The following TRPM1 variants were observed in gnomAD, a reference collection of about 807,000 sequenced individuals.
TRPM1 encodes TRPM1-203 APA Isoform, Intron 10.
A neutral mutation model predicts 149.4 loss-of-function variants in TRPM1; 113 were observed. The ratio of observed to expected loss-of-function variants is 0.76; its 90% CI spans 0.65 to 0.88. The LOEUF (loss-of-function observed/expected upper bound fraction) is 0.88, where lower values mean the gene tolerates loss of function less well. TRPM1 is among the 40% of genes least tolerant of loss of function. TRPM1 has a pLI of 0.00. For missense variants in TRPM1, 1,976 were observed against 2,038.7 expected, an observed-to-expected ratio of 0.97 and a Z score of 0.59; for synonymous variants, 741 against 759.5, an observed-to-expected ratio of 0.98 and a Z score of 0.40.
intron 27 of TRPM1, among the ~76,000 whole-genome samples, chr15:31,004,836 T>A (rs1595970602): frequency 1.3e-5 from 2 of 152,192 alleles, no homozygotes; most frequent in East Asian, 3.8e-4. Flanking sequence ...ACGCAGTGGC[T>A]CACACCTGTA....
At chr15:31,109,503 C>T (rs2035655550) in intron 1 of TRPM1, among the ~76,000 whole-genome samples, 1 of 151,404 alleles carries the variant, frequency 6.6e-6, no homozygotes, top group Non-Finnish European at 1.5e-5. Flanking sequence ...TCGAGATCAA[C>T]CTGGCCACAA....
chr15:31,013,470 TAAATATATTTAA>T lies in TRPM1; in HGVS notation c.3630-10412_3630-10401del, dbSNP rs2032256420. 2.0e-5 allele frequency among the ~76,000 whole-genome samples: 3 copies of T among 152,314 alleles called. No individual in the cohort carries two copies. The South Asian group carries it at 6.2e-4, about 32-fold the overall frequency. On this transcript the variant is annotated intron_variant, in intron 27 of 27. Transcript: ENST00000256552. ...TTAGAGATGATTTCCTTTAGGTCTT[TAAATATATTTAA>T]AATAGCTAAAATAGTTGAGTTAAAC...
intron 1 of TRPM1, among the ~76,000 whole-genome samples, chr15:31,100,840 C>T (rs1037687614): frequency 3.9e-5 from 6 of 152,168 alleles, no homozygotes; most frequent in Non-Finnish European, 5.9e-5. Flanking sequence ...TGCTTCTGGG[C>T]GTTTGGGTTG....
intron 1 of TRPM1, among the ~76,000 whole-genome samples, chr15:31,149,583 G>A (rs1396812794): frequency 3.4e-5 from 5 of 148,642 alleles, no homozygotes; most frequent in East Asian, 2.0e-4. Context: ...GCAGTGGCGC[G>A]ATCTTGGCTC....
At chr15:31,086,248 G>A (rs373839416) in intron 1 of TRPM1, among the ~76,000 whole-genome samples, 1 of 152,228 alleles carries the variant, frequency 6.6e-6, no homozygotes, top group African/African-American at 2.4e-5. Flanking sequence ...CGGGAGGAGA[G>A]GGGGAGCGGC....
At chr15:31,147,362 C>A (rs1040081193) in intron 1 of TRPM1, among the ~76,000 whole-genome samples, 1 of 152,238 alleles carries the variant, frequency 6.6e-6, no homozygotes. Context: ...AGATTGTGCT[C>A]ACTTTTCAGT....
At chr15:31,007,973 A>G (rs1368626326) in intron 27 of TRPM1, among the ~76,000 whole-genome samples, 5 of 152,168 alleles carry the variant, frequency 3.3e-5, no homozygotes, top group African/African-American at 1.2e-4. Context: ...AAAAATTCCA[A>G]TGTTCAATTA....
intron 1 of TRPM1, among the ~76,000 whole-genome samples, chr15:31,117,724 A>G (rs1172180136): frequency 6.6e-6 from 1 of 151,810 alleles, no homozygotes; most frequent in African/African-American, 2.4e-5. Flanking sequence ...AACAAAGTGG[A>G]CAGCATGCAA....
At chr15:31,143,234 A>T (rs774300769) in intron 1 of TRPM1, among the ~76,000 whole-genome samples, 4 of 152,286 alleles carry the variant, frequency 2.6e-5, no homozygotes, top group Non-Finnish European at 2.9e-5. Context: ...CTAAAGTTCA[A>T]CTGAAGAAAC....
At chr15:31,063,432 G>T in intron 7 of TRPM1, 140 bp from the exon 8 acceptor site, 1 of 1,057,192 alleles carries the variant, frequency 9.5e-7, no homozygotes, top group Non-Finnish European at 1.4e-6. Context: ...ATTCAGGCAT[G>T]TGATAACAAT....
At chr15:31,151,175 A>C (rs2036298337) in intron 1 of TRPM1, among the ~76,000 whole-genome samples, 1 of 151,816 alleles carries the variant, frequency 6.6e-6, no homozygotes, top group South Asian at 2.1e-4. Flanking sequence ...GAGACAAAAA[A>C]CTCCAGGCGA....
intron 1 of TRPM1, among the ~76,000 whole-genome samples, chr15:31,083,979 C>T (rs1178172787): frequency 1.3e-5 from 2 of 152,144 alleles, no homozygotes; most frequent in Admixed American, 6.5e-5. Context: ...CATCACTATC[C>T]GCAGGAAGGT....
intron 27 of TRPM1, among the ~76,000 whole-genome samples, chr15:31,005,104 A>AAAATAAATAAGTAAAT (rs2031940801): frequency 7.0e-6 from 1 of 142,758 alleles, no homozygotes; most frequent in African/African-American, 2.6e-5. Flanking sequence ...TCCATCTCAA[A>AAAATAAATAAGTAAAT]AAATAAATAA....
At chr15:31,139,520 A>G (rs1215534603) in intron 1 of TRPM1, among the ~76,000 whole-genome samples, 3 of 152,252 alleles carry the variant, frequency 2.0e-5, no homozygotes, top group African/African-American at 4.8e-5. Flanking sequence ...CTACCAAAAT[A>G]TAAGAAAGAG....
chr15:31,044,912 A>AT (rs1241925640), intron 16 of TRPM1, among the ~76,000 whole-genome samples: 1 of 152,182 alleles, frequency 6.6e-6, no homozygotes, highest in African/African-American at 2.4e-5. Context: ...GAAATAAGTC[A>AT]TTTTAGGAAA....
intron 1 of TRPM1, among the ~76,000 whole-genome samples, chr15:31,087,408 C>CACGT (rs2035034209): frequency 6.6e-6 from 1 of 151,550 alleles, no homozygotes; most frequent in Non-Finnish European, 1.5e-5. Context: ...CCCATCACCA[C>CACGT]GCCCCGCTAA....
Position 31,140,374 on chromosome 15 carries a change from G to A in TRPM1, c.54+20532C>T, listed in dbSNP as rs1223250942. 2.1e-5 allele frequency among the ~76,000 whole-genome samples: 3 copies of A among 144,088 alleles called. 1 individual carries two copies. The highest frequency in any genetic ancestry group is 5.4e-5 in the African/African-American group (2 of 37,102). 94.5% of individuals were successfully genotyped at this position (144,088 alleles called of 152,430 possible). ...AGCCTGGGCGACAGAGAGAGAATCC[G>A]TCTAAAAAAAAAAAATTAAATAATA... is the stretch of plus-strand genomic sequence containing the variant. On this transcript the variant is annotated intron_variant, in intron 1 of 26. Transcript: ENST00000542188.
intron 1 of TRPM1, among the ~76,000 whole-genome samples, chr15:31,117,061 G>A (rs1389351321): frequency 6.6e-6 from 1 of 152,154 alleles, no homozygotes; most frequent in African/African-American, 2.4e-5. Flanking sequence ...AATATACTAA[G>A]GGTTCTGGCT....
At chr15:31,085,086 G>C (rs1369368423) in intron 1 of TRPM1, among the ~76,000 whole-genome samples, 1 of 152,088 alleles carries the variant, frequency 6.6e-6, no homozygotes. Context: ...AGGGGATACA[G>C]ACTTTTTCTT....
Sources: gnomAD v4.1 joint callset for allele counts (sites outside exome capture counted in the v4.1 genomes callset) on GRCh38, gnomAD v4.1.1 for gene constraint, MANE v1.5 for transcripts, NCBI Gene and HGNC (gene_info 2026-07-23, HGNC 2026-07-21) for gene names.